Variants in IFT43 observed in about 807,000 individuals in gnomAD.
IFT43 encodes the protein intraflagellar transport protein 43 homolog.
Under a neutral mutation model 32.3 loss-of-function variants are expected in IFT43, and 33 were observed. The ratio of observed to expected loss-of-function variants is 1.02; its 90% CI spans 0.77 to 1.37. IFT43 has a LOEUF of 1.37. Ranked by LOEUF, IFT43 falls within the 40% of genes most tolerant of loss-of-function variation. IFT43 has a pLI of 0.00. For missense variants in IFT43, 274 were observed against 265.9 expected, an observed-to-expected ratio of 1.03 and a Z score of -0.21; for synonymous variants, 93 against 98.2, an observed-to-expected ratio of 0.95 and a Z score of 0.31.
intron 2 of IFT43, among the ~76,000 whole-genome samples, chr14:75,999,959 G>C (rs1339364500): frequency 2.0e-5 from 3 of 152,224 alleles, no homozygotes; most frequent in Admixed American, 2.0e-4. Flanking sequence ...AGCTACACTG[G>C]AGGATAGAGT....
chr14:76,067,713 A>G (rs2037250244), intron 5 of IFT43, among the ~76,000 whole-genome samples: 1 of 152,204 alleles, frequency 6.6e-6, no homozygotes, highest in African/African-American at 2.4e-5. Context: ...AACTATTTAC[A>G]AGACCATGAC....
intron 5 of IFT43, among the ~76,000 whole-genome samples, chr14:76,065,549 A>T (rs930040128): frequency 4.6e-5 from 7 of 151,952 alleles, no homozygotes; most frequent in African/African-American, 1.7e-4. Context: ...TGTTCATACT[A>T]TAGAGTAGCT....
chr14:76,018,866 C>T (rs1231673776), intron 2 of IFT43, among the ~76,000 whole-genome samples: 1 of 151,886 alleles, frequency 6.6e-6, no homozygotes, highest in Non-Finnish European at 1.5e-5. Flanking sequence ...TTCTTATTTG[C>T]AGGAATTTTT....
intron 4 of IFT43, chr14:76,059,015 GA>G: frequency 7.0e-7 from 1 of 1,423,092 alleles, no homozygotes; most frequent in Non-Finnish European, 9.1e-7. Context: ...ACTTATATCA[GA>G]AAAGAAAGAA....
At chr14:76,067,533 G>A (rs1370313723) in intron 5 of IFT43, among the ~76,000 whole-genome samples, 5 of 151,092 alleles carry the variant, frequency 3.3e-5, no homozygotes, top group African/African-American at 9.7e-5. Context: ...TCGCACTACC[G>A]CACTCACCAC....
intron 3 of IFT43, among the ~76,000 whole-genome samples, chr14:76,048,518 T>G (rs977841224): frequency 4.6e-5 from 7 of 152,238 alleles, no homozygotes; most frequent in Non-Finnish European, 5.9e-5. Context: ...TCACACCTAC[T>G]TCTTTCCTTT....
In IFT43 at chr14:75,994,103, CT is replaced by C. The variant is rs746640100; in HGVS notation, c.147+5138del. Among the ~76,000 whole-genome samples the C allele has an allele frequency of 9.2e-3, 1,313 of 143,424 alleles. 12 individuals are homozygous for C. The highest frequency in any genetic ancestry group is 0.024 in the African/African-American group (933 of 39,386). The allele number at this position is 143,424 out of a possible 152,430, so 94.1% of individuals were successfully genotyped here. On this transcript the variant is annotated intron_variant, in intron 2 of 8. Transcript: ENST00000314067. ...AAACAAATAGAAATTATAGAAAGCC[CT>C]TTTTTTTTTTTGTAGCCCTGGGTAT...
chr14:75,989,049 T>C, intron 2 of IFT43, 72 bp downstream of exon 2: 1 of 1,560,486 alleles, frequency 6.4e-7, no homozygotes, highest in African/African-American at 1.3e-5. Flanking sequence ...TGACCAAGGA[T>C]TTGGTATTCC....
downstream of IFT43, chr14:76,084,059 C>T (rs538010157): frequency 1.6e-5 from 7 of 445,514 alleles, no homozygotes; most frequent in Admixed American, 4.8e-5. Context: ...AGGGAGGAGG[C>T]GGCGGGAGGG....
chr14:76,043,043 A>G (rs1383726997), intron 3 of IFT43, among the ~76,000 whole-genome samples: 3 of 151,988 alleles, frequency 2.0e-5, no homozygotes, highest in African/African-American at 7.3e-5. Flanking sequence ...AGAGGAAGAG[A>G]GGTGTAGTGT....
chr14:76,071,923 C>T (rs2037328954), intron 5 of IFT43, among the ~76,000 whole-genome samples: 1 of 151,998 alleles, frequency 6.6e-6, no homozygotes, highest in Non-Finnish European at 1.5e-5. Context: ...CCCCCCTGCT[C>T]ACAGCCCTAC....
intron 2 of IFT43, among the ~76,000 whole-genome samples, chr14:76,001,868 CCTT>C (rs1325908410): frequency 1.3e-5 from 2 of 152,146 alleles, no homozygotes; most frequent in East Asian, 3.8e-4. Context: ...CTGAACTTAT[CCTT>C]CTATAAGGGA....
intron 5 of IFT43, among the ~76,000 whole-genome samples, chr14:76,067,977 C>T (rs1048845526): frequency 6.6e-6 from 1 of 152,196 alleles, no homozygotes; most frequent in African/African-American, 2.4e-5. Context: ...CTTCACCAGA[C>T]CTTGTGGGGC....
intron 2 of IFT43, among the ~76,000 whole-genome samples, chr14:76,009,983 C>A (rs1010564522): frequency 1.3e-5 from 2 of 152,088 alleles, no homozygotes; most frequent in African/African-American, 2.4e-5. Flanking sequence ...TTAGTAGAGA[C>A]AGGGTTTCAC....
intron 3 of IFT43, among the ~76,000 whole-genome samples, chr14:76,039,909 CAA>C (rs1034855364): frequency 6.6e-6 from 1 of 152,196 alleles, no homozygotes; most frequent in Non-Finnish European, 1.5e-5. Flanking sequence ...AAATCTCTAA[CAA>C]TATTTCTTGC....
chr14:76,066,981 G>A (rs904529801), intron 5 of IFT43, among the ~76,000 whole-genome samples: 4 of 152,202 alleles, frequency 2.6e-5, no homozygotes, highest in Admixed American at 2.0e-4. Context: ...TCTAGATGCT[G>A]GAGTTAGTGA....
At chr14:76,025,577 CA>C (rs2036375591) in intron 3 of IFT43, among the ~76,000 whole-genome samples, 1 of 152,096 alleles carries the variant, frequency 6.6e-6, no homozygotes, top group Non-Finnish European at 1.5e-5. Flanking sequence ...CTACAGTAAC[CA>C]AAACGGCATG....
intron 1 of IFT43, among the ~76,000 whole-genome samples, chr14:75,987,470 A>G (rs1235797925): frequency 6.6e-6 from 1 of 152,160 alleles, no homozygotes; most frequent in Non-Finnish European, 1.5e-5. Context: ...GGTAGAGTGG[A>G]AAGCACCCAG....
chr14:76,022,858 G>C (rs1272995928), intron 3 of IFT43, among the ~76,000 whole-genome samples: 2 of 152,182 alleles, frequency 1.3e-5, no homozygotes, highest in Admixed American at 6.5e-5. Flanking sequence ...TAATGGAATT[G>C]CCTGTTGGTA....
Sources: allele counts gnomAD v4.1 joint callset (sites outside exome capture counted in the v4.1 genomes callset), GRCh38; gene constraint gnomAD v4.1.1; transcripts MANE v1.5; gene names NCBI Gene and HGNC (gene_info 2026-07-23, HGNC 2026-07-21).